Variants in PALM2AKAP2 observed in about 807,000 individuals in gnomAD.
PALM2AKAP2 encodes PALM2-AKAP2 fusion protein.
PALM2AKAP2 carries 37 observed loss-of-function variants against 71.5 expected under a neutral mutation model. The observed-to-expected ratio is 0.52, with a 90% confidence interval of 0.40 to 0.68. PALM2AKAP2 has a LOEUF of 0.68. Ranked by LOEUF, PALM2AKAP2 falls within the 30% of genes least tolerant of loss-of-function variation. The pLI is 0.00. For synonymous variants in PALM2AKAP2, 468 were observed against 478.8 expected (o/e 0.98, Z 0.29); for missense variants, 1,224 against 1,191.8 (o/e 1.03, Z -0.40).
chr9:109,709,724 A>T (rs903324082), intron 1 of PALM2AKAP2, among the ~76,000 whole-genome samples: 5 of 152,156 alleles, frequency 3.3e-5, no homozygotes, highest in African/African-American at 1.2e-4. Context: ...GGCATCAGGG[A>T]ATGCACCAAG....
chr9:109,971,683 C>G (rs148540279), intron 6 of PALM2AKAP2, among the ~76,000 whole-genome samples: 32 of 152,314 alleles, frequency 2.1e-4, no homozygotes, highest in African/African-American at 7.7e-4. Flanking sequence ...GCCTCAGCCT[C>G]CCAGAGTGCT....
intron 6 of PALM2AKAP2, among the ~76,000 whole-genome samples, chr9:109,995,423 G>T (rs1832554928): frequency 6.6e-6 from 1 of 152,186 alleles, no homozygotes; most frequent in Admixed American, 6.5e-5. Flanking sequence ...TGCAGTTGAG[G>T]TGGTGCATTA....
chr9:109,758,748 T>C (rs1404241085), intron 1 of PALM2AKAP2, among the ~76,000 whole-genome samples: 1 of 152,080 alleles, frequency 6.6e-6, no homozygotes, highest in East Asian at 1.9e-4. Flanking sequence ...ACATGTATTC[T>C]CATTTAAAGA....
Position 109,803,327 on chromosome 9 carries a change from G to T in PALM2AKAP2, c.45+22794G>T, listed in dbSNP as rs185400722. ...GCTCATAGGGGATAGCCATGTGTTG[G>T]CACTTGGATCTGGTAGGTTCTGCCT... On this transcript the variant is annotated intron_variant, in intron 1 of 9. Coordinates refer to the PALM2AKAP2 transcript ENST00000302798. Among the ~76,000 whole-genome samples the T allele has an allele frequency of 3.3e-5, 5 of 152,242 alleles. No individual in the cohort carries two copies. The East Asian group carries it at 7.7e-4, about 23-fold the overall frequency.
chr9:109,683,552 G>A (rs1194435284), intron 1 of PALM2AKAP2, among the ~76,000 whole-genome samples: 2 of 152,094 alleles, frequency 1.3e-5, no homozygotes, highest in Admixed American at 6.5e-5. Context: ...TTCAGACTTC[G>A]GCTTTCAGCA....
intron 6 of PALM2AKAP2, among the ~76,000 whole-genome samples, chr9:109,933,188 A>G (rs1378038002): frequency 6.6e-6 from 1 of 152,210 alleles, no homozygotes; most frequent in Non-Finnish European, 1.5e-5. Flanking sequence ...CTGGACAGTG[A>G]CAGGATGGAT....
intron 6 of PALM2AKAP2, among the ~76,000 whole-genome samples, chr9:109,971,058 A>G (rs1236140887): frequency 6.6e-6 from 1 of 152,174 alleles, no homozygotes. Flanking sequence ...ACACCACTAC[A>G]CTGCAGCCTG....
intron 6 of PALM2AKAP2, among the ~76,000 whole-genome samples, chr9:110,000,249 G>A (rs1832658688): frequency 6.8e-6 from 1 of 147,726 alleles, no homozygotes; most frequent in East Asian, 2.0e-4. Context: ...ATCTACAAGT[G>A]AGAACATGTG....
At chr9:109,999,699 A>G (rs1159943387) in intron 6 of PALM2AKAP2, among the ~76,000 whole-genome samples, 1 of 152,268 alleles carries the variant, frequency 6.6e-6, no homozygotes, top group Non-Finnish European at 1.5e-5. Context: ...CTGAAGCAGC[A>G]TCGACCAGGA....
intron 6 of PALM2AKAP2, among the ~76,000 whole-genome samples, chr9:109,982,300 C>T (rs977417011): frequency 4.6e-5 from 7 of 151,902 alleles, no homozygotes; most frequent in East Asian, 3.9e-4. Context: ...ACCAGAGGCT[C>T]GGAAGGGTAG....
intron 1 of PALM2AKAP2, among the ~76,000 whole-genome samples, chr9:109,709,916 G>T (rs1369125718): frequency 6.6e-6 from 1 of 152,212 alleles, no homozygotes; most frequent in Non-Finnish European, 1.5e-5. Flanking sequence ...TTGGAAAAAG[G>T]ATCTTTGCAG....
chr9:109,750,814 T>A (rs1828878354), intron 1 of PALM2AKAP2, among the ~76,000 whole-genome samples: 1 of 152,220 alleles, frequency 6.6e-6, no homozygotes, highest in African/African-American at 2.4e-5. Flanking sequence ...TAAGATATAG[T>A]ATGGTCCAAA....
intron 2 of PALM2AKAP2, among the ~76,000 whole-genome samples, chr9:110,142,027 T>C (rs1004420218): frequency 3.3e-5 from 5 of 152,120 alleles, no homozygotes; most frequent in African/African-American, 1.2e-4. Flanking sequence ...TCATTGTTAA[T>C]GACCGGGTAT....
intron 1 of PALM2AKAP2, among the ~76,000 whole-genome samples, chr9:109,722,913 C>G (rs1322273): frequency 6.6e-6 from 1 of 152,002 alleles, no homozygotes; most frequent in African/African-American, 2.4e-5. Flanking sequence ...GCCGTCTGCT[C>G]TGCCCACCAA....
intron 6 of PALM2AKAP2, among the ~76,000 whole-genome samples, chr9:109,991,345 T>C (rs1046422907): frequency 1.3e-5 from 2 of 151,846 alleles, no homozygotes; most frequent in Non-Finnish European, 2.9e-5. Context: ...CAAGGCATCC[T>C]CTCACCTCAG....
At chr9:110,129,371 A>G (rs1371216264) in intron 1 of PALM2AKAP2, among the ~76,000 whole-genome samples, 3 of 152,192 alleles carry the variant, frequency 2.0e-5, no homozygotes, top group South Asian at 4.1e-4. Flanking sequence ...ACCATTTCCC[A>G]TGTCATTTTA....
intron 6 of PALM2AKAP2, among the ~76,000 whole-genome samples, chr9:109,981,330 T>C (rs568862504): frequency 6.6e-6 from 1 of 152,318 alleles, no homozygotes; most frequent in East Asian, 1.9e-4. Flanking sequence ...TGCAGGATGC[T>C]GTAGGAAGAT....
intron 1 of PALM2AKAP2, among the ~76,000 whole-genome samples, chr9:109,654,174 A>T (rs1239554429): frequency 6.6e-6 from 1 of 152,200 alleles, no homozygotes; most frequent in Non-Finnish European, 1.5e-5. Flanking sequence ...TGTGGCTGTA[A>T]GCCATAATAT....
chr9:109,804,076 T>TG (rs1827511403), intron 1 of PALM2AKAP2, among the ~76,000 whole-genome samples: 2 of 152,188 alleles, frequency 1.3e-5, no homozygotes, highest in South Asian at 4.1e-4. Flanking sequence ...GGCCCAGTGG[T>TG]GGCACATTCC....
Sources: gnomAD v4.1 joint callset for allele counts (sites outside exome capture counted in the v4.1 genomes callset) on GRCh38, gnomAD v4.1.1 for gene constraint, MANE v1.5 for transcripts, NCBI Gene and HGNC (gene_info 2026-07-23, HGNC 2026-07-21) for gene names.